Variants in DPP6 observed in about 807,000 individuals in gnomAD.
The protein encoded by DPP6 is A-type potassium channel modulatory protein DPP6.
A neutral mutation model predicts 122.6 loss-of-function variants in DPP6; 69 were observed. The observed-to-expected ratio is 0.56, with a 90% CI of 0.46 to 0.69. The LOEUF is 0.69. DPP6 is among the 30% of genes least tolerant of loss of function. The probability of loss-of-function intolerance (pLI) is 0.00; values close to 1 mark genes in which losing one functional copy is unlikely to be tolerated. For missense variants in DPP6, 928 were observed against 1,116.9 expected (o/e 0.83, Z 2.41); for synonymous variants, 418 against 433.1 (o/e 0.97, Z 0.43).
chr7:154,863,396 G>A lies in DPP6; in HGVS notation c.1715-4599G>A, dbSNP rs941335232. Among the ~76,000 whole-genome samples the A allele has an allele frequency of 3.9e-4, 58 of 149,954 alleles. No individual in the cohort carries two copies. The highest frequency in any genetic ancestry group is 1.6e-4 in the Non-Finnish European group (11 of 67,610). On this transcript the variant is annotated intron_variant, in intron 17 of 25. Transcript: ENST00000377770. The surrounding 1 kb of genome is among the most constrained non-coding windows in gnomAD (Gnocchi z 4.1). ...CTTGCTCTGTCACCTAGGCTCAAGG[G>A]GAGTGGTGCAATCACAGCTCAAGCT...
chr7:154,754,375 C>G (rs749907592), intron 8 of DPP6, among the ~76,000 whole-genome samples: 95 of 152,194 alleles, frequency 6.2e-4, no homozygotes, highest in Non-Finnish European at 1.1e-3. Flanking sequence ...TTTTAAAACC[C>G]TTGGAAAATC....
At chr7:154,033,747 T>C (rs1426032340) in intron 1 of DPP6, among the ~76,000 whole-genome samples, 1 of 152,208 alleles carries the variant, frequency 6.6e-6, no homozygotes, top group East Asian at 1.9e-4. Flanking sequence ...CAATCACAGT[T>C]CTTGTTTGGA....
chr7:154,323,484 A>C (rs1808153929), intron 1 of DPP6, among the ~76,000 whole-genome samples: 1 of 152,170 alleles, frequency 6.6e-6, no homozygotes, highest in Non-Finnish European at 1.5e-5. Context: ...TGATTTCGTC[A>C]AGCTCTCCAC....
intron 1 of DPP6, among the ~76,000 whole-genome samples, chr7:154,188,999 G>A (rs865911754): frequency 5.8e-4 from 89 of 152,326 alleles, no homozygotes; most frequent in African/African-American, 1.9e-3. Flanking sequence ...CGACCAGGGA[G>A]AGAAACAATA....
chr7:154,803,718 G>A (rs1798519022), intron 13 of DPP6, 146 bp from the exon 14 acceptor site: 2 of 1,289,554 alleles, frequency 1.6e-6, no homozygotes, highest in Non-Finnish European at 2.1e-6. Context: ...TCCCAGGAGA[G>A]GAGCAGGCAG....
At chr7:154,888,688 C>T (rs1806363201) in intron 23 of DPP6, among the ~76,000 whole-genome samples, 2 of 152,154 alleles carry the variant, frequency 1.3e-5, no homozygotes, top group Non-Finnish European at 1.5e-5. Context: ...CCCTCCTCTT[C>T]CAAAAAGGGA....
chr7:154,732,071 C>T (rs1435273471), intron 8 of DPP6, among the ~76,000 whole-genome samples: 1 of 151,336 alleles, frequency 6.6e-6, no homozygotes, highest in Non-Finnish European at 1.5e-5. Flanking sequence ...TGGAGTCTTG[C>T]TTTGTCACCC....
chr7:154,466,786 C>T (rs533704484), intron 2 of DPP6, among the ~76,000 whole-genome samples: 62 of 152,308 alleles, frequency 4.1e-4, no homozygotes, highest in African/African-American at 1.2e-3. Flanking sequence ...TTCTCTGACC[C>T]GCAAAGATTC....
At chr7:154,029,296 C>T (rs1388136449) in intron 1 of DPP6, among the ~76,000 whole-genome samples, 5 of 150,230 alleles carry the variant, frequency 3.3e-5, no homozygotes, top group Non-Finnish European at 5.9e-5. Context: ...GCGGGTGGAT[C>T]ACGAGGTCAG....
chr7:154,404,916 A>C (rs978968664), intron 1 of DPP6, among the ~76,000 whole-genome samples: 6 of 152,236 alleles, frequency 3.9e-5, no homozygotes, highest in African/African-American at 1.2e-4. Context: ...GCAATTTTTT[A>C]GGTTGTAAAA....
intron 6 of DPP6, among the ~76,000 whole-genome samples, chr7:154,646,988 T>G (rs1836525732): frequency 6.6e-6 from 1 of 152,196 alleles, no homozygotes; most frequent in Admixed American, 6.5e-5. Flanking sequence ...CAAACAAGTC[T>G]CTTTGAAAAT....
Position 154,483,719 on chromosome 7 carries a change from G to C in DPP6, c.457+8682G>C, listed in dbSNP as rs1382992408. 6.6e-6 allele frequency among the ~76,000 whole-genome samples: 1 copy of C among 152,214 alleles called. No homozygotes were observed. The highest frequency in any genetic ancestry group is 1.5e-5 in the Non-Finnish European group (1 of 68,026). On this transcript the variant is annotated intron_variant, in intron 3 of 25. Transcript: ENST00000377770. The surrounding 1 kb of genome is among the most constrained non-coding windows in gnomAD (Gnocchi z 8.1). ...TTTGTTTTGCTTTGCTTTTGAGACG[G>C]AGTCTCGCTCTGTCGCCCAGGCTGG...
chr7:153,952,245 AT>A (rs1310370695), intron 1 of DPP6, among the ~76,000 whole-genome samples: 1 of 152,144 alleles, frequency 6.6e-6, no homozygotes, highest in African/African-American at 2.4e-5. Context: ...ATCAAAAGCA[AT>A]TTTCTACCAT....
chr7:154,235,655 C>T (rs773720922), intron 1 of DPP6, among the ~76,000 whole-genome samples: 1 of 152,058 alleles, frequency 6.6e-6, no homozygotes, highest in Non-Finnish European at 1.5e-5. Flanking sequence ...TTGCGATTTG[C>T]CCAGTTTGCT....
the DPP6 span, among the ~76,000 whole-genome samples, chr7:153,815,189 T>C: frequency 3.3e-5 from 5 of 152,196 alleles, no homozygotes; most frequent in African/African-American, 1.2e-4. Context: ...GCAAATGACA[T>C]GATCGTATAT....
intron 1 of DPP6, among the ~76,000 whole-genome samples, chr7:154,197,146 G>T (rs983628067): frequency 1.3e-5 from 2 of 151,850 alleles, no homozygotes; most frequent in Non-Finnish European, 2.9e-5. Context: ...GCCACCCACG[G>T]CACAGCCTGG....
At chr7:154,886,591 G>A (rs374951662) in intron 22 of DPP6, among the ~76,000 whole-genome samples, 8 of 152,196 alleles carry the variant, frequency 5.3e-5, no homozygotes, top group Non-Finnish European at 8.8e-5. Flanking sequence ...TCAGGGCTCC[G>A]TGGCAGCCAG....
intron 5 of DPP6, among the ~76,000 whole-genome samples, chr7:154,589,241 A>C (rs560779975): frequency 8.5e-5 from 13 of 152,184 alleles, no homozygotes; most frequent in Non-Finnish European, 1.8e-4. Flanking sequence ...TTTGGTTCAC[A>C]GTAACAGAGA....
At chr7:154,660,499 C>T (rs1837575561) in intron 6 of DPP6, among the ~76,000 whole-genome samples, 1 of 148,066 alleles carries the variant, frequency 6.8e-6, no homozygotes, top group Non-Finnish European at 1.5e-5. Flanking sequence ...CCGTAGTGTT[C>T]ATATAGTCAT....
Sources: gnomAD v4.1 joint callset for allele counts (sites outside exome capture counted in the v4.1 genomes callset) on GRCh38, gnomAD v4.1.1 for gene constraint, Gnocchi (gnomAD v3.1) non-coding constraint, MANE v1.5 for transcripts, NCBI Gene and HGNC (gene_info 2026-07-23, HGNC 2026-07-21) for gene names.